ARSB: variants seen among roughly 807,000 people sequenced by gnomAD.
ARSB encodes arylsulfatase B, also known as N-acetylgalactosamine-4-sulfatase.
In ARSB, 41 loss-of-function variants were observed where a neutral mutation model predicts 50.9. The ratio of observed to expected loss-of-function variants is 0.81; its 90% CI spans 0.63 to 1.04. ARSB has a LOEUF of 1.04. Among genes scored for constraint, ARSB ranks in the 50% least tolerant of loss-of-function variants. The probability of loss-of-function intolerance (pLI) is 0.00; values close to 1 mark genes in which losing one functional copy is unlikely to be tolerated. For missense variants in ARSB, 672 were observed against 693.3 expected, an observed-to-expected ratio of 0.97 and a Z score of 0.35; for synonymous variants, 269 against 284.8, an observed-to-expected ratio of 0.94 and a Z score of 0.56.
rs1554089416 is a variant in ARSB, at chr5:78,980,734, A to ATGTGTG, written c.312+4197_312+4202dup. Among the ~76,000 whole-genome samples the ATGTGTG allele has an allele frequency of 8.9e-4, 135 of 150,996 alleles. No individual in the cohort carries two copies. In the East Asian group the frequency reaches 0.011, roughly 13 times the overall value. On this transcript the variant is annotated intron_variant, in intron 1 of 7. Transcript: ENST00000264914. ...ACTGAATGTCTAAGGAAGTGTGTGTATGTGTGTGTGTGTGTGTGTGTTTTG... is the reference window on the plus strand; with the variant it reads ...ACTGAATGTCTAAGGAAGTGTGTGTATGTGTGTGTGTGTGTGTGTGTGTGTGTTTTG...
At chr5:78,966,926 T>TAAA (rs35103058) in intron 2 of ARSB, among the ~76,000 whole-genome samples, 6 of 141,808 alleles carry the variant, frequency 4.2e-5, no homozygotes, top group Admixed American at 2.8e-4. Context: ...CGGGTCCATT[T>TAAA]AAAAAAAAAA....
chr5:78,801,102 A>T (rs1482076686), intron 6 of ARSB, among the ~76,000 whole-genome samples: 1 of 152,220 alleles, frequency 6.6e-6, no homozygotes, highest in Non-Finnish European at 1.5e-5. Context: ...TTCAGTAGGT[A>T]CTTGGAAGCA....
Position 78,869,694 on chromosome 5 carries a change from G to A in ARSB, c.1142+15890C>T, listed in dbSNP as rs1223947873. ...TAGAGGGAAATTTATAGCACTAAAT[G>A]CCCACAAGAGAAAGCAGGAAAGATC... On this transcript the variant is annotated intron_variant, in intron 5 of 7. Transcript: ENST00000264914. Among the ~76,000 whole-genome samples, 3 of 150,406 alleles carry A rather than the reference G, an allele frequency of 2.0e-5. No individual in the cohort carries two copies. In the South Asian group the frequency reaches 6.4e-4, roughly 32 times the overall value.
At chr5:78,935,474 C>G (rs954079049) in intron 4 of ARSB, among the ~76,000 whole-genome samples, 14 of 152,268 alleles carry the variant, frequency 9.2e-5, no homozygotes, top group African/African-American at 3.4e-4. Context: ...TTTCCCAGGG[C>G]CTAGCAGAGA....
intron 4 of ARSB, among the ~76,000 whole-genome samples, chr5:78,892,523 T>C (rs1275198571): frequency 6.6e-6 from 1 of 152,158 alleles, no homozygotes; most frequent in Non-Finnish European, 1.5e-5. Context: ...CCCATAGTGC[T>C]GGGATTACAG....
chr5:78,924,298 T>C (rs1430015058), intron 4 of ARSB, among the ~76,000 whole-genome samples: 2 of 152,234 alleles, frequency 1.3e-5, no homozygotes, highest in African/African-American at 4.8e-5. Flanking sequence ...AATTTATCCA[T>C]ATCACCAAAT....
chr5:78,861,369 T>TA (rs1581056212), intron 5 of ARSB, among the ~76,000 whole-genome samples: 1 of 152,104 alleles, frequency 6.6e-6, no homozygotes, highest in East Asian at 1.9e-4. Flanking sequence ...CTCAATAAAA[T>TA]ACTGGCAAAC....
chr5:78,932,082 A>G (rs1482972550), intron 4 of ARSB, among the ~76,000 whole-genome samples: 1 of 152,202 alleles, frequency 6.6e-6, no homozygotes, highest in African/African-American at 2.4e-5. Flanking sequence ...GAATGGACTA[A>G]TACACTGATT....
At chr5:78,912,663 G>T (rs1303080391) in intron 4 of ARSB, among the ~76,000 whole-genome samples, 3 of 152,164 alleles carry the variant, frequency 2.0e-5, no homozygotes, top group Non-Finnish European at 2.9e-5. Context: ...TTAACATTTT[G>T]CTCAACCAAA....
chr5:78,973,307 T>G (rs1038337763), intron 1 of ARSB, among the ~76,000 whole-genome samples: 4 of 152,222 alleles, frequency 2.6e-5, no homozygotes, highest in African/African-American at 9.6e-5. Flanking sequence ...ATCTACCATG[T>G]GTGGCTGTCT....
Position 78,815,649 on chromosome 5 carries a change from G to C in ARSB, c.1213+23707C>G. The C allele has an allele frequency of 7.0e-6, 7 of 1,004,640 alleles. No individual in the cohort carries two copies. In the South Asian group the frequency reaches 1.7e-4, roughly 24 times the overall value. The allele number at this position is 1,004,640 out of a possible 1,614,324, so 62.2% of individuals were successfully genotyped here. ...TATATGCTATTAGGTAATAAGAAAA[G>C]TTCCAAACATTATTCACTGGGATGC... On this transcript the variant is annotated intron_variant, in intron 6 of 7. Coordinates refer to ENST00000264914, the MANE Select transcript of ARSB (RefSeq NM_000046.5).
chr5:78,935,888 G>A (rs1316369735), intron 4 of ARSB, among the ~76,000 whole-genome samples: 3 of 151,160 alleles, frequency 2.0e-5, no homozygotes, highest in African/African-American at 4.9e-5. Context: ...AAGTCCCAAC[G>A]TCCCTCTCTG....
chr5:78,917,991 C>G lies in ARSB; in HGVS notation c.899-32164G>C, dbSNP rs1749637391. On this transcript the variant is annotated intron_variant, in intron 4 of 7. Transcript: ENST00000264914. Reference sequence around the variant, plus strand: ...ACCACACTTCCTTACGCTGGCTCATCAGCATCATGAGACAGGCTTTCAACC... The same window carrying G: ...ACCACACTTCCTTACGCTGGCTCATGAGCATCATGAGACAGGCTTTCAACC... Among the ~76,000 whole-genome samples the G allele has an allele frequency of 3.9e-5, 6 of 152,336 alleles. No individual in the cohort carries two copies. The South Asian group carries it at 1.2e-3, about 32-fold the overall frequency.
chr5:78,920,584 C>T lies in ARSB; in HGVS notation c.898+34711G>A, dbSNP rs144944838. On this transcript the variant is annotated intron_variant, in intron 4 of 7. Coordinates refer to ENST00000264914, the MANE Select transcript of ARSB (RefSeq NM_000046.5). Reference sequence around the variant, plus strand: ...CCATACCTGCGGCGGGTTATCAGAACCCTCAGAAGGCAATAAGGCTGGGAC... The same window carrying T: ...CCATACCTGCGGCGGGTTATCAGAATCCTCAGAAGGCAATAAGGCTGGGAC... Among the ~76,000 whole-genome samples the T allele has an allele frequency of 1.5e-3, 233 of 152,220 alleles. 1 individual carries two copies. The East Asian group carries it at 0.026, about 17-fold the overall frequency.
intron 6 of ARSB, among the ~76,000 whole-genome samples, chr5:78,812,513 G>T (rs938064541): frequency 1.3e-5 from 2 of 151,216 alleles, no homozygotes; most frequent in Non-Finnish European, 2.9e-5. Context: ...AAAGATAAAT[G>T]CTAATACGAT....
chr5:78,963,296 G>A (rs1752075467), intron 3 of ARSB, among the ~76,000 whole-genome samples: 1 of 152,176 alleles, frequency 6.6e-6, no homozygotes, highest in African/African-American at 2.4e-5. Context: ...GCTTCTTGTA[G>A]AGTCTGCAGC....
At chr5:78,821,532 T>G (rs528874687) in intron 6 of ARSB, among the ~76,000 whole-genome samples, 1 of 152,176 alleles carries the variant, frequency 6.6e-6, no homozygotes, top group Non-Finnish European at 1.5e-5. Context: ...AAATTGAAGA[T>G]ATGGAGAAAG....
chr5:78,817,426 A>G (rs1744037458), intron 6 of ARSB, among the ~76,000 whole-genome samples: 1 of 152,190 alleles, frequency 6.6e-6, no homozygotes, highest in African/African-American at 2.4e-5. Flanking sequence ...GTATGTGTAG[A>G]TCCTGCAGAA....
intron 1 of ARSB, among the ~76,000 whole-genome samples, chr5:78,976,253 T>C (rs1432477883): frequency 1.3e-5 from 2 of 150,092 alleles, no homozygotes; most frequent in African/African-American, 2.4e-5. Flanking sequence ...ATGTATTTCC[T>C]GGAGATGATT....
Sources: allele counts gnomAD v4.1 joint callset (sites outside exome capture counted in the v4.1 genomes callset), GRCh38; gene constraint gnomAD v4.1.1; transcripts MANE v1.5; gene names NCBI Gene and HGNC (gene_info 2026-07-23, HGNC 2026-07-21).